Variants in CCR6 observed in about 807,000 individuals in gnomAD.
CCR6 encodes the protein C-C chemokine receptor type 6.
A neutral mutation model predicts 3.0 loss-of-function variants in CCR6; 2 were observed. The observed-to-expected ratio is 0.66, with a 90% CI of 0.27 to 2.07. CCR6 has a LOEUF of 2.07. CCR6 is among the 30% of genes most tolerant of loss of function. CCR6 has a pLI of 0.14. For synonymous variants in CCR6, 193 were observed against 184.3 expected (o/e 1.05, Z -0.38); for missense variants, 322 against 462.8 (o/e 0.70, Z 2.79).
chr6:167,122,894 C>T (rs1025960576), upstream of CCR6: 2 of 152,348 alleles, frequency 1.3e-5, no homozygotes, highest in African/African-American at 4.8e-5. This position sits in a 1 kb window ranked among gnomAD's most constrained non-coding sequence, Gnocchi z 4.2. Context: ...CATGCAAAGG[C>T]TGTCTTCCTC....
upstream of CCR6, among the ~76,000 whole-genome samples, chr6:167,120,271 G>A (rs916757613): frequency 6.6e-6 from 1 of 152,194 alleles, no homozygotes; most frequent in Admixed American, 6.5e-5. Context: ...GTGGTGCACT[G>A]CTGCTGCCTG....
intron 1 of CCR6, among the ~76,000 whole-genome samples, chr6:167,132,901 G>A (rs1381745906): frequency 1.3e-5 from 2 of 152,090 alleles, no homozygotes; most frequent in Non-Finnish European, 2.9e-5. Context: ...TCTTTTTTGT[G>A]TGTGTATTTG....
intron 1 of CCR6, among the ~76,000 whole-genome samples, chr6:167,114,212 A>C (rs976988374): frequency 4.6e-5 from 7 of 152,224 alleles, no homozygotes; most frequent in Non-Finnish European, 8.8e-5. Flanking sequence ...GGCTTATGTC[A>C]TGAGGACGTC....
chr6:167,120,612 A>G (rs2114915010), upstream of CCR6, among the ~76,000 whole-genome samples: 1 of 152,294 alleles, frequency 6.6e-6, no homozygotes, highest in South Asian at 2.1e-4. Context: ...AAATGCCTCA[A>G]TGTTGAGTTT....
At chr6:167,135,964 T>G in intron 1 of CCR6, 74 bp from the exon 2 acceptor site, 2 of 689,318 alleles carry the variant, frequency 2.9e-6, no homozygotes, top group East Asian at 2.5e-5. Flanking sequence ...GATGGAATGC[T>G]GGTAACTTAA....
intron 1 of CCR6, chr6:167,126,566 G>A (rs1781671919): frequency 6.6e-6 from 1 of 152,416 alleles, no homozygotes; most frequent in Non-Finnish European, 1.5e-5. Flanking sequence ...TCAGGTGGTG[G>A]GTGCATGTAG....
At chr6:167,114,270 T>C (rs1326287296) in intron 1 of CCR6, among the ~76,000 whole-genome samples, 2 of 152,164 alleles carry the variant, frequency 1.3e-5, no homozygotes, top group African/African-American at 4.8e-5. Context: ...CTGCCTGAAA[T>C]CCTAGGGGCT....
In CCR6 at chr6:167,136,310, A is replaced by G; in HGVS notation, c.80A>G (p.Tyr27Cys). The change falls in exon 3 of 3, where the codon TAC becomes TGC. Residue 27 changes from tyrosine to cysteine, a missense_variant. Physicochemically the swap from Tyr to Cys is radical, Grantham distance 194. Transcript: ENST00000341935. The surrounding 1 kb of genome is among the most constrained non-coding windows in gnomAD (Gnocchi z 4.6). ...TTTGTGTCAGTCAATACTTCATATTACTCAGTTGATTCTGAGATGTTACTG... is the reference window on the plus strand; with the variant it reads ...TTTGTGTCAGTCAATACTTCATATTGCTCAGTTGATTCTGAGATGTTACTG... ...DYFVSVNTSY[Y>C]SVDSEMLLCS... is the part of the protein sequence containing the mutation. 2 of 1,613,262 alleles carry G rather than the reference A, an allele frequency of 1.2e-6. No homozygotes were observed. Among genetic ancestry groups the G allele is most frequent in the Middle Eastern group, 3.3e-4 (2 of 6,058 alleles).
In CCR6 at chr6:167,137,060, C is replaced by T. The variant is rs752574574; in HGVS notation, c.830C>T (p.Thr277Met). Residue 277 changes from threonine (T) to methionine (M), a missense_variant, in exon 3 of 3, where the codon ACG becomes ATG. Thr to Met is a moderately conservative substitution (Grantham distance 81, BLOSUM62 -1). Coordinates refer to ENST00000341935, the MANE Select transcript of CCR6 (RefSeq NM_031409.4). The surrounding 1 kb of genome is among the most constrained non-coding windows in gnomAD (Gnocchi z 4.6). ...CCTCATAACATGGTCCTGCTTGTGA[C>T]GGCTGCAAATTTGGGTAAAATGAAC... ...QIPHNMVLLV[T>M]AANLGKMNRS... is the part of the protein sequence containing the mutation. 16 of 1,614,024 alleles carry T rather than the reference C, an allele frequency of 9.9e-6. No homozygotes were observed. Among genetic ancestry groups the T allele is most frequent in the Non-Finnish European group, 1.2e-5 (14 of 1,180,048 alleles).
chr6:167,117,977 T>C (rs1781528128), upstream of CCR6, among the ~76,000 whole-genome samples: 1 of 150,352 alleles, frequency 6.7e-6, no homozygotes, highest in Non-Finnish European at 1.5e-5. Context: ...AAAGACACTG[T>C]ACTAATATTT....
chr6:167,118,428 CTT>C (rs1355443017), upstream of CCR6, among the ~76,000 whole-genome samples: 1 of 152,232 alleles, frequency 6.6e-6, no homozygotes, highest in African/African-American at 2.4e-5. Flanking sequence ...ACATCAATCT[CTT>C]CACATTCCAG....
At chr6:167,129,653 C>T (rs1020076992) in intron 1 of CCR6, 1 of 151,620 alleles carries the variant, frequency 6.6e-6, no homozygotes, top group African/African-American at 2.4e-5. Flanking sequence ...AGAAATTCTG[C>T]TTTCTCTTGT....
In CCR6 at chr6:167,137,312, G is replaced by T; in HGVS notation, c.1082G>T (p.Ser361Ile). ...RYSENISRQTSETADNDNASS... is the reference protein window; with the variant it reads ...RYSENISRQTIETADNDNASS... ...TCAGAAAACATTTCTCGGCAGACCA[G>T]TGAGACCGCAGATAACGACAATGCG... The change falls in exon 3 of 3, where the codon AGT becomes ATT. Residue 361 changes from serine (S) to isoleucine (I), a missense_variant. By Grantham distance (142) the Ser-to-Ile change is moderately radical. Transcript: ENST00000341935. This position sits in a 1 kb window ranked among gnomAD's most constrained non-coding sequence, Gnocchi z 4.6. 6.2e-7 allele frequency: 1 copy of T among 1,613,922 alleles called. No individual in the cohort carries two copies. Among genetic ancestry groups the T allele is most frequent in the South Asian group, 1.1e-5 (1 of 91,026 alleles).
At chr6:167,130,310 G>A (rs998881697) in intron 1 of CCR6, among the ~76,000 whole-genome samples, 6 of 151,780 alleles carry the variant, frequency 4.0e-5, no homozygotes, top group African/African-American at 1.2e-4. Context: ...TCTGCCACTC[G>A]TAGATAACAG....
At chr6:167,113,116 A>G (rs1781440215) in intron 1 of CCR6, among the ~76,000 whole-genome samples, 1 of 151,954 alleles carries the variant, frequency 6.6e-6, no homozygotes, top group Admixed American at 6.6e-5. Context: ...TCTCTTATCT[A>G]ATAATATCAA....
intron 1 of CCR6, among the ~76,000 whole-genome samples, chr6:167,130,857 T>C (rs1273044967): frequency 2.0e-5 from 3 of 147,624 alleles, no homozygotes; most frequent in African/African-American, 5.4e-5. Context: ...CAGCTTCTCA[T>C]AGCTCTGCCG....
At chr6:167,127,232 G>C (rs529914426) in intron 1 of CCR6, 1 of 152,298 alleles carries the variant, frequency 6.6e-6, no homozygotes, top group South Asian at 2.1e-4. Context: ...ACACACTGCA[G>C]CTTGGAACTC....
chr6:167,124,022 G>T (rs1437764603), intron 1 of CCR6, among the ~76,000 whole-genome samples: 1 of 152,154 alleles, frequency 6.6e-6, no homozygotes, highest in Non-Finnish European at 1.5e-5. Flanking sequence ...TGAGGCAGGA[G>T]AATCACTGGA....
chr6:167,134,000 G>T (rs1196136794), intron 1 of CCR6, among the ~76,000 whole-genome samples: 1 of 133,512 alleles, frequency 7.5e-6, no homozygotes. Flanking sequence ...AATTCCAATT[G>T]GTGTATTTTA....
Sources: gnomAD v4.1 joint callset for allele counts (sites outside exome capture counted in the v4.1 genomes callset) on GRCh38, gnomAD v4.1.1 for gene constraint, Gnocchi (gnomAD v3.1) non-coding constraint, MANE v1.5 for transcripts, NCBI Gene and HGNC (gene_info 2026-07-23, HGNC 2026-07-21) for gene names.